LY75: variants seen among roughly 807,000 people sequenced by gnomAD.
LY75 encodes lymphocyte antigen 75.
LY75 carries 185 observed loss-of-function variants against 231.7 expected under a neutral mutation model. The observed-to-expected ratio is 0.80, with a 90% confidence interval of 0.71 to 0.90. The LOEUF (loss-of-function observed/expected upper bound fraction) is 0.90. LY75 is among the 40% of genes least tolerant of loss of function. The pLI is 0.00. For missense variants in LY75, 1,947 were observed against 2,050.2 expected (o/e 0.95, Z 0.97); for synonymous variants, 668 against 689.0 (o/e 0.97, Z 0.48).
intron 13 of LY75, among the ~76,000 whole-genome samples, chr2:159,871,037 T>C (rs373239900): frequency 5.9e-5 from 9 of 152,276 alleles, no homozygotes; most frequent in East Asian, 5.8e-4. Context: ...AGTGATGATA[T>C]AGGGATACTT....
chr2:159,874,183 T>C (rs1281803081), intron 12 of LY75, among the ~76,000 whole-genome samples: 1 of 123,042 alleles, frequency 8.1e-6, no homozygotes, highest in Non-Finnish European at 1.7e-5. Flanking sequence ...ATTGTAAATA[T>C]ATATAAATAT....
At chr2:159,852,120 A>C in intron 21 of LY75, 81 bp downstream of exon 21, 1 of 1,543,114 alleles carries the variant, frequency 6.5e-7, no homozygotes, top group Non-Finnish European at 8.8e-7. Flanking sequence ...TGTTGTCACT[A>C]ATGGGTTGCC....
chr2:159,885,128 T>C (rs1685545271), intron 6 of LY75, 25 bp downstream of exon 6: 1 of 1,605,960 alleles, frequency 6.2e-7, no homozygotes, highest in South Asian at 1.1e-5. Flanking sequence ...ATTTGTCTAT[T>C]TGTATGAGTA....
At chr2:159,826,232 T>C (rs929344073) in intron 28 of LY75, among the ~76,000 whole-genome samples, 4 of 152,190 alleles carry the variant, frequency 2.6e-5, no homozygotes, top group African/African-American at 9.7e-5. Context: ...AAATTCTCCT[T>C]AAGCTGATAA....
intron 28 of LY75, among the ~76,000 whole-genome samples, chr2:159,828,114 A>G (rs941008938): frequency 3.3e-4 from 50 of 152,014 alleles, no homozygotes; most frequent in African/African-American, 1.1e-3. Flanking sequence ...ATAAAAAAAG[A>G]AGAAAAAAAA....
At chr2:159,878,828 T>TGAAATC in intron 9 of LY75, 107 bp from the exon 10 acceptor site, 1 of 1,206,362 alleles carries the variant, frequency 8.3e-7, no homozygotes, top group Non-Finnish European at 1.2e-6. Flanking sequence ...TTGTGGAAAT[T>TGAAATC]GAGGACATGG....
At position 159,852,468 on chromosome 2, in the gene LY75, G is replaced by A. The variant is rs1315929125; in HGVS notation, c.2744-128C>T. The A allele has an allele frequency of 3.0e-6, 4 of 1,319,552 alleles. No individual in the cohort carries two copies. In the East Asian group the frequency reaches 7.5e-5, roughly 25 times the overall value. 81.7% of individuals were successfully genotyped at this position (1,319,552 alleles called of 1,614,324 possible). A position where few individuals can be genotyped will look rare whatever the true frequency, so the allele number is the denominator to read the frequency against. On this transcript the variant is annotated intron_variant, in intron 20 of 34. Coordinates refer to ENST00000263636, the MANE Select transcript of LY75 (RefSeq NM_002349.4). Reference sequence around the variant, plus strand: ...AGTCTCGCTCTGTTGCCCGGGGCTGGAGTGCAGTGGTGCAATGTTGGCTTA... The same window carrying A: ...AGTCTCGCTCTGTTGCCCGGGGCTGAAGTGCAGTGGTGCAATGTTGGCTTA...
At chr2:159,870,942 GCT>G (rs1466366438) in intron 13 of LY75, among the ~76,000 whole-genome samples, 1 of 151,872 alleles carries the variant, frequency 6.6e-6, no homozygotes, top group Non-Finnish European at 1.5e-5. Context: ...CTTTTCCTCT[GCT>G]TAATATATAT....
At chr2:159,881,737 C>A (rs1685441737) in intron 7 of LY75, among the ~76,000 whole-genome samples, 1 of 152,018 alleles carries the variant, frequency 6.6e-6, no homozygotes. Context: ...CAAATAATTA[C>A]AAAAGTGAAG....
intron 11 of LY75, among the ~76,000 whole-genome samples, chr2:159,877,030 AAAAAG>A (rs1206035646): frequency 8.9e-5 from 13 of 146,398 alleles, no homozygotes; most frequent in African/African-American, 3.1e-4. Flanking sequence ...AAAAAAAAAA[AAAAAG>A]AAAAAAGAAA....
Position 159,882,176 on chromosome 2 carries a change from G to A in LY75, c.1194C>T (p.Ser398=), listed in dbSNP as rs1471875944. 2 of 1,613,922 alleles carry A rather than the reference G, an allele frequency of 1.2e-6. No homozygotes were observed. The highest frequency in any genetic ancestry group is 1.7e-6 in the Non-Finnish European group (2 of 1,179,882). Residue 398 remains serine (S), a synonymous_variant, in exon 7 of 35, where the codon AGC becomes AGT. Transcript: ENST00000263636. ...KCKAFSSDLI[S]IHSLADVEVV... is the part of the protein sequence containing the mutation. ...CCTCCACATCTGCTAGAGAATGAAT[G>A]CTGATTAGGTCACTACTGAAGGCTT...
intron 13 of LY75, among the ~76,000 whole-genome samples, chr2:159,867,863 T>C (rs1684902566): frequency 6.6e-6 from 1 of 152,228 alleles, no homozygotes; most frequent in Non-Finnish European, 1.5e-5. Context: ...CTCAGAGCCT[T>C]AATGATTTGG....
chr2:159,894,331 A>G (rs1685847346), intron 2 of LY75, among the ~76,000 whole-genome samples: 1 of 152,228 alleles, frequency 6.6e-6, no homozygotes, highest in Non-Finnish European at 1.5e-5. Flanking sequence ...AACTGGGGAT[A>G]GCGTTCAGTG....
At chr2:159,829,854 G>C (rs1372023079) in intron 28 of LY75, among the ~76,000 whole-genome samples, 1 of 152,154 alleles carries the variant, frequency 6.6e-6, no homozygotes, top group African/African-American at 2.4e-5. Context: ...ATCTAAAAAT[G>C]CTTTTTCAGA....
chr2:159,807,627 A>T (rs1434305857), intron 33 of LY75: 30 of 985,316 alleles, frequency 3.0e-5, no homozygotes, highest in Non-Finnish European at 3.6e-5. Context: ...TTTCCAGCTG[A>T]AGTGGCACCA....
At chr2:159,842,741 A>G (rs1347143613) in intron 23 of LY75, among the ~76,000 whole-genome samples, 1 of 152,130 alleles carries the variant, frequency 6.6e-6, no homozygotes, top group African/African-American at 2.4e-5. Flanking sequence ...TGTACCACAT[A>G]ACAGAATATA....
intron 12 of LY75, among the ~76,000 whole-genome samples, chr2:159,874,959 A>G (rs1685215286): frequency 7.2e-6 from 1 of 138,754 alleles, no homozygotes; most frequent in Admixed American, 7.5e-5. Context: ...ATTTATAAAT[A>G]TATTTATAAT....
chr2:159,891,610 A>G (rs1685759049), intron 3 of LY75, among the ~76,000 whole-genome samples: 1 of 152,166 alleles, frequency 6.6e-6, no homozygotes, highest in African/African-American at 2.4e-5. Flanking sequence ...ATATGCATGC[A>G]TTAACACCAC....
chr2:159,888,515 T>G (rs1685660911), intron 4 of LY75, among the ~76,000 whole-genome samples: 1 of 152,212 alleles, frequency 6.6e-6, no homozygotes, highest in Non-Finnish European at 1.5e-5. Flanking sequence ...AAACATTTGT[T>G]TGATGAGGTT....
Sources: allele counts gnomAD v4.1 joint callset (sites outside exome capture counted in the v4.1 genomes callset), GRCh38; gene constraint gnomAD v4.1.1; transcripts MANE v1.5; gene names NCBI Gene and HGNC (gene_info 2026-07-23, HGNC 2026-07-21).